ATXN3: variants seen among roughly 807,000 people sequenced by gnomAD.
The protein encoded by ATXN3 is ataxin-3.
Under a neutral mutation model 58.2 loss-of-function variants are expected in ATXN3, and 28 were observed. The observed-to-expected ratio is 0.48, with a 90% CI of 0.36 to 0.66. The LOEUF is 0.66. Ranked by LOEUF, ATXN3 falls within the 30% of genes least tolerant of loss-of-function variation. ATXN3 has a pLI of 0.00. For synonymous variants in ATXN3, 113 were observed against 138.5 expected (o/e 0.82, Z 1.29); for missense variants, 321 against 422.1 (o/e 0.76, Z 2.10).
rs2057661285 is a variant in ATXN3 at position 92,060,199 on chromosome 14, G to C, written c.*4121C>G. ...GGCGTGAGCCACTGCCCCCGACTGG[G>C]ATAAAGTTTTTAATAGGAAGTCATA... On this transcript the variant is annotated 3_prime_UTR_variant, in exon 11 of 11. Transcript: ENST00000644486. 6.7e-6 allele frequency: 1 copy of C among 149,738 alleles called. No homozygotes were observed. Among genetic ancestry groups the C allele is most frequent in the African/African-American group, 2.5e-5 (1 of 40,630 alleles). 9.3% of individuals were successfully genotyped at this position (149,738 alleles called of 1,614,324 possible).
downstream of ATXN3, among the ~76,000 whole-genome samples, chr14:92,057,874 G>GT (rs1361297024): frequency 5.3e-5 from 8 of 151,972 alleles, no homozygotes; most frequent in Admixed American, 5.2e-4. Context: ...AGGCAGCATT[G>GT]TCTCTATTTT....
chr14:92,070,753 TTTTTTTTC>T, intron 10 of ATXN3, 174 bp downstream of exon 10: 2 of 1,361,062 alleles, frequency 1.5e-6, no homozygotes, highest in South Asian at 1.6e-5. Flanking sequence ...GCTTTTTTTT[TTTTTTTTC>T]TTTTGGTAAC....
At chr14:92,092,858 T>C (rs916851391) in intron 5 of ATXN3, among the ~76,000 whole-genome samples, 3 of 149,074 alleles carry the variant, frequency 2.0e-5, no homozygotes, top group Non-Finnish European at 3.0e-5. Context: ...TTTTTAAATA[T>C]ATTTTTTTTA....
intron 9 of ATXN3, among the ~76,000 whole-genome samples, chr14:92,072,517 G>T (rs1010972708): frequency 3.9e-5 from 6 of 152,070 alleles, no homozygotes; most frequent in African/African-American, 1.4e-4. Context: ...TGCTTAACTG[G>T]TAAGTATAGT....
rs2057706917 is a variant in ATXN3, at chr14:92,060,564, A to G, written c.*3756T>C. The stretch of plus-strand genomic sequence containing the variant: ...GTGAGCCACTGCACCCAGCCGGGAG[A>G]TCATCAATATTAACTATTGAATCCT... On this transcript the variant is annotated 3_prime_UTR_variant, in exon 11 of 11. Transcript: ENST00000644486. The G allele has an allele frequency of 6.7e-6, 1 of 149,906 alleles. No individual in the cohort carries two copies. The highest frequency in any genetic ancestry group is 2.5e-5 in the African/African-American group (1 of 39,986). The allele number at this position is 149,906 out of a possible 1,614,324, so 9.3% of individuals were successfully genotyped here.
At chr14:92,071,719 G>A (rs1255675890) in intron 9 of ATXN3, 1 of 177,722 alleles carries the variant, frequency 5.6e-6, no homozygotes, top group Non-Finnish European at 1.2e-5. Flanking sequence ...AAGTACCTTT[G>A]ATCAGATAAA....
At position 92,062,723 on chromosome 14, in the gene ATXN3, A is replaced by C. The variant is rs1169113299; in HGVS notation, c.*1597T>G. On this transcript the variant is annotated 3_prime_UTR_variant, in exon 11 of 11. Transcript: ENST00000644486. The stretch of plus-strand genomic sequence containing the variant: ...GATTGGCACAAAATAATGACTTAAA[A>C]AATCTGTTATATCGAAGAAAAAGCT... 6 of 152,554 alleles carry C rather than the reference A, an allele frequency of 3.9e-5. No individual in the cohort carries two copies. 9.5% of individuals were successfully genotyped at this position (152,554 alleles called of 1,614,324 possible). A position where few individuals can be genotyped will look rare whatever the true frequency, so the allele number is the denominator to read the frequency against.
At chr14:92,101,674 A>G (rs1373124497) in intron 1 of ATXN3, among the ~76,000 whole-genome samples, 1 of 152,086 alleles carries the variant, frequency 6.6e-6, no homozygotes. Context: ...CCTGGCCAAC[A>G]TGGTGAAACC....
downstream of ATXN3, among the ~76,000 whole-genome samples, chr14:92,055,787 T>C (rs1233584342): frequency 6.6e-6 from 1 of 152,080 alleles, no homozygotes; most frequent in African/African-American, 2.4e-5. The surrounding 1 kb of genome is among the most constrained non-coding windows in gnomAD (Gnocchi z 4.5). Flanking sequence ...ATGGCAAAAC[T>C]GCGTCTCTAC....
intron 7 of ATXN3, 93 bp from the exon 8 acceptor site, chr14:92,082,559 C>A: frequency 2.1e-5 from 24 of 1,135,648 alleles, no homozygotes; most frequent in South Asian, 1.4e-4. Context: ...TTAAGTAAGT[C>A]AAAACTTAAA....
At chr14:92,053,653 T>C (rs971583452), downstream of ATXN3, among the ~76,000 whole-genome samples, 1 of 151,764 alleles carries the variant, frequency 6.6e-6, no homozygotes. Flanking sequence ...CATGCCACCA[T>C]ACCCAACTAA....
At chr14:92,049,196 G>T (rs1439858973) in intron 1 of ATXN3, among the ~76,000 whole-genome samples, 2 of 152,164 alleles carry the variant, frequency 1.3e-5, no homozygotes, top group African/African-American at 4.8e-5. Flanking sequence ...AGTAGAAGGG[G>T]GAATGGAGGA....
At chr14:92,102,954 G>A (rs1204633526) in intron 1 of ATXN3, among the ~76,000 whole-genome samples, 1 of 152,132 alleles carries the variant, frequency 6.6e-6, no homozygotes, top group Non-Finnish European at 1.5e-5. Context: ...AGGGCATAAT[G>A]AATGCCACAG....
chr14:92,090,682 T>C (rs2063583704), intron 5 of ATXN3: 1 of 152,158 alleles, frequency 6.6e-6, no homozygotes, highest in Admixed American at 6.6e-5. Flanking sequence ...AAAGATAACG[T>C]AATTCAAAAT....
In ATXN3 at chr14:92,081,048, G is replaced by C. The variant is rs762622537; in HGVS notation, c.789C>G (p.Asn263Lys). ...ATGTCTGTGTCATATCTTGAGATAT[G>C]TTTCTGGAACTACCTGAAAACAAAA... ...IQLSMQGSSR[N>K]ISQDMTQTSG... The change falls in exon 9 of 11, where the codon AAC (asparagine) becomes AAG (lysine). Residue 263 changes from asparagine to lysine, a missense_variant. Physicochemically the swap from Asn to Lys is moderately conservative, Grantham distance 94 (BLOSUM62 0). Coordinates refer to ENST00000644486, the MANE Select transcript of ATXN3 (RefSeq NM_004993.6). 3 of 1,608,868 alleles carry C rather than the reference G, an allele frequency of 1.9e-6. No individual in the cohort carries two copies. Among genetic ancestry groups the C allele is most frequent in the Non-Finnish European group, 2.6e-6 (3 of 1,176,210 alleles).
intron 6 of ATXN3, among the ~76,000 whole-genome samples, chr14:92,086,641 G>C (rs995402270): frequency 1.3e-5 from 2 of 152,012 alleles, no homozygotes; most frequent in African/African-American, 4.8e-5. Context: ...GTTGAGGCAG[G>C]AGAATCGCTT....
upstream of ATXN3, among the ~76,000 whole-genome samples, chr14:92,052,023 T>C (rs1188473009): frequency 6.6e-6 from 1 of 151,526 alleles, no homozygotes; most frequent in Non-Finnish European, 1.5e-5. Flanking sequence ...ACCCAGCCTC[T>C]TTCAAAGAGT....
intron 1 of ATXN3, among the ~76,000 whole-genome samples, chr14:92,103,895 T>C (rs1250004452): frequency 6.6e-6 from 1 of 152,046 alleles, no homozygotes; most frequent in Non-Finnish European, 1.5e-5. Flanking sequence ...GGGTTAAAGG[T>C]ATATTGCAGA....
At chr14:92,069,100 A>T (rs113572439) in intron 10 of ATXN3, among the ~76,000 whole-genome samples, 39,672 of 144,962 alleles carry the variant, frequency 0.27, 5,907 homozygotes, top group East Asian at 0.42. Flanking sequence ...TTTTTTGAGA[A>T]GGAGTTTTGG....
Sources: gnomAD v4.1 joint callset for allele counts (sites outside exome capture counted in the v4.1 genomes callset) on GRCh38, gnomAD v4.1.1 for gene constraint, Gnocchi (gnomAD v3.1) non-coding constraint, MANE v1.5 for transcripts, NCBI Gene and HGNC (gene_info 2026-07-23, HGNC 2026-07-21) for gene names.